Variants in ADRA1A observed in about 807,000 individuals in gnomAD.
ADRA1A encodes adrenoceptor alpha 1A, also known as alpha-1A adrenergic receptor.
ADRA1A carries 31 observed loss-of-function variants against 29.6 expected under a neutral mutation model. The observed-to-expected ratio is 1.05, with a 90% CI of 0.79 to 1.41. The LOEUF (loss-of-function observed/expected upper bound fraction) is 1.41. ADRA1A is among the 40% of genes most tolerant of loss of function. ADRA1A has a pLI of 0.00. For missense variants in ADRA1A, 619 were observed against 601.1 expected (o/e 1.03, Z -0.31); for synonymous variants, 311 against 254.3 (o/e 1.22, Z -2.12).
intron 2 of ADRA1A, among the ~76,000 whole-genome samples, chr8:26,809,994 C>T (rs1210977199): frequency 6.6e-6 from 1 of 152,162 alleles, no homozygotes; most frequent in African/African-American, 2.4e-5. Flanking sequence ...ATTTTTATCC[C>T]AGCAGAGGAA....
At chr8:26,855,271 T>C (rs573347873) in intron 2 of ADRA1A, among the ~76,000 whole-genome samples, 5 of 151,908 alleles carry the variant, frequency 3.3e-5, no homozygotes, top group African/African-American at 1.2e-4. Context: ...CCATGGAAGT[T>C]TGTAGAAAAG....
intron 2 of ADRA1A, among the ~76,000 whole-genome samples, chr8:26,808,055 T>C (rs1809128023): frequency 6.6e-6 from 1 of 152,250 alleles, no homozygotes; most frequent in African/African-American, 2.4e-5. Flanking sequence ...ATGAGAACAC[T>C]GTAACAAATT....
At chr8:26,818,647 G>A (rs1385711606) in intron 2 of ADRA1A, among the ~76,000 whole-genome samples, 1 of 152,012 alleles carries the variant, frequency 6.6e-6, no homozygotes, top group South Asian at 2.1e-4. Context: ...CATTAAAAAA[G>A]AACCAAAGAG....
At chr8:26,755,478 G>A (rs1015288295), downstream of ADRA1A, among the ~76,000 whole-genome samples, 7 of 152,144 alleles carry the variant, frequency 4.6e-5, no homozygotes, top group African/African-American at 7.2e-5. Context: ...CATGATAAGC[G>A]AGACTGACTT....
chr8:26,811,919 T>G (rs1358502289), intron 2 of ADRA1A, among the ~76,000 whole-genome samples: 1 of 152,242 alleles, frequency 6.6e-6, no homozygotes, highest in African/African-American at 2.4e-5. Context: ...TTTGTTCCTT[T>G]TTATTTATAG....
In ADRA1A at chr8:26,846,254, A is replaced by G. The variant is rs957729531; in HGVS notation, c.883+17833T>C. Among the ~76,000 whole-genome samples the G allele has an allele frequency of 3.3e-5, 5 of 152,190 alleles. No homozygotes were observed. In the South Asian group the frequency reaches 1.0e-3, roughly 31 times the overall value. On this transcript the variant is annotated intron_variant, in intron 2 of 2. Transcript: ENST00000380573. ...AAAAGCTGAACAATAATAATAATTG[A>G]TGTCTGCTTTAAATGTGCTGTTTCT...
chr8:26,810,701 A>G (rs749796108), intron 2 of ADRA1A, among the ~76,000 whole-genome samples: 1 of 152,128 alleles, frequency 6.6e-6, no homozygotes, highest in Non-Finnish European at 1.5e-5. Context: ...TCATTTTTTC[A>G]GGTCTCACTC....
intron 2 of ADRA1A, among the ~76,000 whole-genome samples, chr8:26,783,624 G>T (rs547521265): frequency 6.6e-6 from 1 of 152,256 alleles, no homozygotes; most frequent in South Asian, 2.1e-4. Flanking sequence ...AATACCTGAA[G>T]GATCAACATG....
chr8:26,834,091 G>A (rs58224322), intron 2 of ADRA1A, among the ~76,000 whole-genome samples: 1,649 of 152,230 alleles, frequency 0.011, 34 homozygotes, highest in African/African-American at 0.037. Context: ...AAAATCTATA[G>A]CTTTCTTATA....
At position 26,825,148 on chromosome 8, in the gene ADRA1A, C is replaced by T. The variant is rs546464241; in HGVS notation, c.883+38939G>A. 1.3e-5 allele frequency among the ~76,000 whole-genome samples: 2 copies of T among 152,334 alleles called. No homozygotes were observed. Among genetic ancestry groups the T allele is most frequent in the East Asian group, 1.9e-4 (1 of 5,184 alleles). ...GCTCCAGAGAGACCCCCAGCCCCCA[C>T]ATGTCCCACCCTGAGCTTGCTAGGC... On this transcript the variant is annotated intron_variant, in intron 2 of 2. Transcript: ENST00000380573. This position sits in a 1 kb window ranked among gnomAD's most constrained non-coding sequence, Gnocchi z 5.7.
chr8:26,780,781 G>A (rs1025972225), intron 2 of ADRA1A, among the ~76,000 whole-genome samples: 3 of 152,138 alleles, frequency 2.0e-5, no homozygotes, highest in Admixed American at 2.0e-4. Context: ...GATCAGCAGT[G>A]GCATTAGATT....
At chr8:26,834,585 A>C (rs191942702) in intron 2 of ADRA1A, among the ~76,000 whole-genome samples, 29 of 152,300 alleles carry the variant, frequency 1.9e-4, no homozygotes, top group Admixed American at 1.8e-3. Context: ...ATAGATTCTC[A>C]TGAGTGTTAT....
intron 2 of ADRA1A, among the ~76,000 whole-genome samples, chr8:26,804,397 T>C (rs1808815684): frequency 6.6e-6 from 1 of 152,196 alleles, no homozygotes; most frequent in African/African-American, 2.4e-5. Flanking sequence ...TAAAAAATTA[T>C]ACCTATTACT....
intron 2 of ADRA1A, among the ~76,000 whole-genome samples, chr8:26,863,075 A>G (rs1328212816): frequency 2.6e-5 from 4 of 152,238 alleles, no homozygotes; most frequent in Non-Finnish European, 4.4e-5. Flanking sequence ...CTTTAAGTAT[A>G]TGCCATTTAA....
chr8:26,857,573 AG>A (rs1813141638), intron 2 of ADRA1A, among the ~76,000 whole-genome samples: 1 of 152,144 alleles, frequency 6.6e-6, no homozygotes, highest in Admixed American at 6.6e-5. Flanking sequence ...CAGAAGGCTG[AG>A]GTGGGAGAAT....
At chr8:26,765,776 T>G, downstream of ADRA1A, 2 of 1,203,536 alleles carry the variant, frequency 1.7e-6, no homozygotes, top group South Asian at 3.3e-5. Flanking sequence ...AGCATCTTTT[T>G]TGGCCAAAGG....
chr8:26,789,096 C>T (rs1036872623), intron 2 of ADRA1A, among the ~76,000 whole-genome samples: 1 of 151,750 alleles, frequency 6.6e-6, no homozygotes, highest in Non-Finnish European at 1.5e-5. Context: ...TGCCCCCATT[C>T]CCCTTTTCCC....
chr8:26,763,166 C>A (rs543341202), downstream of ADRA1A, among the ~76,000 whole-genome samples: 2 of 152,198 alleles, frequency 1.3e-5, no homozygotes, highest in East Asian at 3.9e-4. The surrounding 1 kb of genome is among the most constrained non-coding windows in gnomAD (Gnocchi z 4.5). Context: ...CTTTCTGAAC[C>A]CCATGGCTCT....
At chr8:26,797,729 A>AG (rs1455031892) in intron 2 of ADRA1A, among the ~76,000 whole-genome samples, 1 of 152,184 alleles carries the variant, frequency 6.6e-6, no homozygotes, top group Non-Finnish European at 1.5e-5. Context: ...AAGAGTGTAG[A>AG]GGGGTCTTAA....
Sources: gnomAD v4.1 joint callset for allele counts (sites outside exome capture counted in the v4.1 genomes callset) on GRCh38, gnomAD v4.1.1 for gene constraint, Gnocchi (gnomAD v3.1) non-coding constraint, MANE v1.5 for transcripts, NCBI Gene and HGNC (gene_info 2026-07-23, HGNC 2026-07-21) for gene names.